SGCG: variants seen among roughly 807,000 people sequenced by gnomAD.
SGCG encodes sarcoglycan gamma.
A neutral mutation model predicts 29.3 loss-of-function variants in SGCG; 26 were observed. The observed-to-expected ratio is 0.89, with a 90% CI of 0.65 to 1.23. SGCG has a LOEUF of 1.23. Among genes scored for constraint, SGCG ranks in the 50% most tolerant of loss-of-function variants. The pLI is 0.00. For synonymous variants in SGCG, 145 were observed against 129.7 expected, an observed-to-expected ratio of 1.12 and a Z score of -0.80; for missense variants, 353 against 356.0, an observed-to-expected ratio of 0.99 and a Z score of 0.07.
intron 6 of SGCG, among the ~76,000 whole-genome samples, chr13:23,318,607 A>G (rs1470770198): frequency 1.3e-5 from 2 of 152,184 alleles, no homozygotes; most frequent in Non-Finnish European, 2.9e-5. Flanking sequence ...AAATATAACA[A>G]AGACAGAAAA....
intron 4 of SGCG, among the ~76,000 whole-genome samples, chr13:23,265,785 A>G (rs939062481): frequency 6.6e-6 from 1 of 152,182 alleles, no homozygotes; most frequent in Non-Finnish European, 1.5e-5. Context: ...GTTGATACGA[A>G]TGTGGTGAAA....
intron 1 of SGCG, among the ~76,000 whole-genome samples, chr13:23,201,290 C>T (rs577397277): frequency 6.6e-6 from 1 of 152,234 alleles, no homozygotes; most frequent in Admixed American, 6.5e-5. Context: ...AAAGCATTAT[C>T]TAGTAGACAG....
chr13:23,275,165 C>A (rs1881025423), intron 4 of SGCG, among the ~76,000 whole-genome samples: 1 of 126,568 alleles, frequency 7.9e-6, no homozygotes. Flanking sequence ...GTTGTTTAAC[C>A]TTTACAATGA....
intron 6 of SGCG, 23 bp from the exon 7 acceptor site, chr13:23,320,614 T>TTTTTTG: frequency 7.3e-7 from 1 of 1,363,026 alleles, no homozygotes; most frequent in Non-Finnish European, 9.8e-7. Flanking sequence ...TTTTTTTTTT[T>TTTTTTG]GTGCTTCTTT....
intron 2 of SGCG, among the ~76,000 whole-genome samples, chr13:23,221,075 T>C (rs1301862962): frequency 6.6e-6 from 1 of 152,164 alleles, no homozygotes; most frequent in Non-Finnish European, 1.5e-5. Context: ...CATTCATGCA[T>C]GCAATCATTA....
At chr13:23,262,743 T>A (rs1350309320) in intron 4 of SGCG, among the ~76,000 whole-genome samples, 1 of 151,972 alleles carries the variant, frequency 6.6e-6, no homozygotes, top group East Asian at 1.9e-4. Context: ...CCATGGTAGA[T>A]CATATGATAG....
chr13:23,206,069 T>G (rs1431621932), intron 2 of SGCG, among the ~76,000 whole-genome samples: 1 of 152,246 alleles, frequency 6.6e-6, no homozygotes, highest in African/African-American at 2.4e-5. Context: ...CTATATGTTT[T>G]GAAACAGTAA....
chr13:23,317,656 TG>T (rs1882872090), intron 6 of SGCG, among the ~76,000 whole-genome samples: 3 of 152,346 alleles, frequency 2.0e-5, no homozygotes, highest in Admixed American at 6.5e-5. Flanking sequence ...ATTTAAGTAT[TG>T]TTAACTTATG....
intron 4 of SGCG, among the ~76,000 whole-genome samples, chr13:23,254,760 A>G (rs1593200046): frequency 3.9e-5 from 6 of 152,250 alleles, no homozygotes; most frequent in Admixed American, 3.9e-4. Flanking sequence ...AGAGGAAACC[A>G]TGGTTTCAGG....
At chr13:23,309,358 C>T (rs1050657572) in intron 6 of SGCG, among the ~76,000 whole-genome samples, 1 of 152,298 alleles carries the variant, frequency 6.6e-6, no homozygotes, top group South Asian at 2.1e-4. Context: ...CCTTCTGCCT[C>T]AGCCTCCCAA....
chr13:23,236,884 C>T (rs375014591), intron 3 of SGCG, among the ~76,000 whole-genome samples: 5 of 152,188 alleles, frequency 3.3e-5, no homozygotes, highest in African/African-American at 1.2e-4. Context: ...GATAACAGAG[C>T]TGTACAGTGT....
intron 2 of SGCG, among the ~76,000 whole-genome samples, chr13:23,223,096 G>A (rs1034113780): frequency 3.9e-5 from 6 of 151,972 alleles, no homozygotes; most frequent in Non-Finnish European, 5.9e-5. Context: ...GGCTAACACG[G>A]TGAAACCCTG....
At chr13:23,279,500 A>G in intron 5 of SGCG, 22 bp downstream of exon 5, 1 of 1,609,586 alleles carries the variant, frequency 6.2e-7, no homozygotes, top group Non-Finnish European at 8.5e-7. Flanking sequence ...CTCGAGAAAA[A>G]CACAACATTC....
intron 5 of SGCG, among the ~76,000 whole-genome samples, chr13:23,290,007 G>A (rs1475621156): frequency 1.3e-5 from 2 of 152,192 alleles, no homozygotes; most frequent in Non-Finnish European, 2.9e-5. Flanking sequence ...TGGTCAGAGA[G>A]GGAAGTGAAT....
the SGCG span, among the ~76,000 whole-genome samples, chr13:23,165,339 A>G: frequency 6.6e-6 from 1 of 152,232 alleles, no homozygotes; most frequent in South Asian, 2.1e-4. Context: ...TCTCAAGTCC[A>G]TAATTATGTT....
chr13:23,320,102 A>G (rs749795271), intron 6 of SGCG, among the ~76,000 whole-genome samples: 1 of 152,212 alleles, frequency 6.6e-6, no homozygotes, highest in Non-Finnish European at 1.5e-5. Flanking sequence ...TGGAAAATGC[A>G]TGTGTTGTCC....
rs377464182 is a variant in SGCG at position 23,312,070 on chromosome 13, C to T, written c.579-8567C>T. ...CCCCTCCCATAATCACCTTCTGTGT[C>T]TCTGCGGACTCTAGCTTCTTCTTTG... On this transcript the variant is annotated intron_variant, in intron 6 of 7. Transcript: ENST00000218867. Among the ~76,000 whole-genome samples, 12 of 152,296 alleles carry T rather than the reference C, an allele frequency of 7.9e-5. No individual in the cohort carries two copies. The East Asian group carries it at 1.9e-3, about 25-fold the overall frequency.
In SGCG at chr13:23,324,370, T is replaced by C. The variant is rs1800353; in HGVS notation, c.705T>C (p.Leu235=). ...GTCTCTCATCTTCTCCCAACCAGCT[T>C]GTGCTTGATGCTGAAACTGTGTGCT... ...DILFHSSDGM[L]VLDAETVCLP... The change falls in exon 8 of 8, where the codon CTT becomes CTC. Residue 235 remains leucine (L), a splice_region_variant and synonymous_variant. Transcript: ENST00000218867. 1,067,625 of 1,613,342 alleles carry C rather than the reference T, an allele frequency of 0.66. 358,104 individuals carry two copies. The highest frequency in any genetic ancestry group is 0.79 in the Admixed American group (47,258 of 60,008).
chr13:23,218,750 A>C (rs1328382571), intron 2 of SGCG, among the ~76,000 whole-genome samples: 2 of 151,840 alleles, frequency 1.3e-5, no homozygotes, highest in African/African-American at 4.8e-5. Context: ...TTATTGTATT[A>C]ATACAAATAG....
Sources: allele counts gnomAD v4.1 joint callset (sites outside exome capture counted in the v4.1 genomes callset), GRCh38; gene constraint gnomAD v4.1.1; transcripts MANE v1.5; gene names NCBI Gene and HGNC (gene_info 2026-07-23, HGNC 2026-07-21).